The following ATP11B variants were observed in gnomAD, a reference collection of about 807,000 sequenced individuals.
The protein encoded by ATP11B is phospholipid-transporting ATPase IF.
A neutral mutation model predicts 157.8 loss-of-function variants in ATP11B; 81 were observed. That is an observed-to-expected ratio of 0.51 (90% CI 0.43 to 0.62). The LOEUF is 0.62. Ranked by LOEUF, ATP11B falls within the 20% of genes least tolerant of loss-of-function variation. The probability of loss-of-function intolerance (pLI) is 0.00; values close to 1 mark genes in which losing one functional copy is unlikely to be tolerated. For synonymous variants in ATP11B, 451 were observed against 469.4 expected, an observed-to-expected ratio of 0.96 and a Z score of 0.51; for missense variants, 1,165 against 1,402.2, an observed-to-expected ratio of 0.83 and a Z score of 2.70.
chr3:182,844,469 A>G, intron 8 of ATP11B: 1 of 692,208 alleles, frequency 1.4e-6, no homozygotes, highest in Non-Finnish European at 1.8e-6. Context: ...TTTCCATAGA[A>G]GATTCTTATT....
intron 10 of ATP11B, among the ~76,000 whole-genome samples, chr3:182,856,716 AC>A (rs1720434993): frequency 1.3e-5 from 2 of 152,220 alleles, no homozygotes; most frequent in Non-Finnish European, 2.9e-5. Context: ...ATTTACTGTC[AC>A]AGCAGAATAT....
chr3:182,903,496 C>T (rs1724115314), intron 28 of ATP11B, among the ~76,000 whole-genome samples: 1 of 152,126 alleles, frequency 6.6e-6, no homozygotes, highest in Admixed American at 6.5e-5. Flanking sequence ...TCTATGAGTT[C>T]ATAATATTGA....
intron 20 of ATP11B, among the ~76,000 whole-genome samples, chr3:182,880,649 A>T (rs1722358337): frequency 6.6e-6 from 1 of 152,162 alleles, no homozygotes; most frequent in African/African-American, 2.4e-5. Flanking sequence ...CTTGTTTCTC[A>T]TCATAAAATC....
At chr3:182,814,870 A>G (rs748498555) in intron 1 of ATP11B, among the ~76,000 whole-genome samples, 5 of 152,186 alleles carry the variant, frequency 3.3e-5, no homozygotes, top group Admixed American at 2.6e-4. Flanking sequence ...AATTCAGTGT[A>G]ATGAAATCTA....
intron 29 of ATP11B, chr3:182,914,525 A>G (rs1467033785): frequency 2.0e-6 from 2 of 985,282 alleles, no homozygotes; most frequent in Non-Finnish European, 2.4e-6. Context: ...TATGTCTGTA[A>G]TGAAGTTTTG....
chr3:182,905,600 CTTTAT>C lies in ATP11B; in HGVS notation c.3318+6832_3318+6836del, dbSNP rs371367550. Among the ~76,000 whole-genome samples the C allele has an allele frequency of 2.7e-3, 411 of 152,294 alleles. 5 individuals carry two copies. Among genetic ancestry groups the C allele is most frequent in the African/African-American group, 9.5e-3 (395 of 41,570 alleles). ...AGCTTCGTGCACTGAAAAATCATGG[CTTTAT>C]TTTGTGTGCTTGTGTTCCCCTTAAG... On this transcript the variant is annotated intron_variant, in intron 28 of 29. Coordinates refer to ENST00000323116, the MANE Select transcript of ATP11B (RefSeq NM_014616.3).
intron 10 of ATP11B, among the ~76,000 whole-genome samples, chr3:182,850,472 CA>C (rs1292969057): frequency 1.3e-5 from 2 of 150,714 alleles, no homozygotes; most frequent in Non-Finnish European, 3.0e-5. Context: ...GACTCCATCT[CA>C]AAAAACAAAA....
chr3:182,887,745 C>A lies in ATP11B; in HGVS notation c.2843+32C>A, dbSNP rs370110863. ...ATTTTCTGGTATTAAATGGCCTTAT[C>A]AGTTTTTTTAAGTAAAAAATAAGCA... On this transcript the variant is annotated intron_variant, in intron 24 of 29. Coordinates refer to ENST00000323116, the MANE Select transcript of ATP11B (RefSeq NM_014616.3). The A allele has an allele frequency of 9.9e-5, 157 of 1,586,014 alleles. No individual in the cohort carries two copies. In the African/African-American group the frequency reaches 2.1e-3, roughly 21 times the overall value.
intron 1 of ATP11B, among the ~76,000 whole-genome samples, chr3:182,817,163 T>C (rs1035900726): frequency 2.0e-5 from 3 of 152,184 alleles, no homozygotes; most frequent in Non-Finnish European, 4.4e-5. Context: ...TATGGAAAAG[T>C]TTGTCATCAT....
At chr3:182,897,993 G>A (rs1483533972) in intron 27 of ATP11B, among the ~76,000 whole-genome samples, 3 of 151,894 alleles carry the variant, frequency 2.0e-5, no homozygotes, top group Non-Finnish European at 2.9e-5. Flanking sequence ...TGCCTGCTAT[G>A]TCTTTGATCC....
intron 11 of ATP11B, among the ~76,000 whole-genome samples, chr3:182,858,910 G>T (rs533123036): frequency 6.6e-6 from 1 of 152,088 alleles, no homozygotes; most frequent in African/African-American, 2.4e-5. Context: ...TGAAAGTAAC[G>T]AATTAAGTTA....
At chr3:182,884,430 G>A (rs1389782345) in intron 21 of ATP11B, among the ~76,000 whole-genome samples, 3 of 152,054 alleles carry the variant, frequency 2.0e-5, no homozygotes, top group African/African-American at 7.2e-5. Flanking sequence ...TCAGAAGTCT[G>A]TTACCCAGTA....
At chr3:182,882,655 CTT>C (rs1276147419) in intron 21 of ATP11B, among the ~76,000 whole-genome samples, 3 of 151,968 alleles carry the variant, frequency 2.0e-5, no homozygotes, top group Non-Finnish European at 4.4e-5. Context: ...ATGGAAGAAT[CTT>C]TTGAGGACAA....
intron 29 of ATP11B, chr3:182,915,002 GA>G: frequency 3.0e-6 from 3 of 985,352 alleles, no homozygotes; most frequent in Non-Finnish European, 3.6e-6. Flanking sequence ...CCAGGGCTTG[GA>G]AAAGGTTGGA....
intron 28 of ATP11B, among the ~76,000 whole-genome samples, chr3:182,906,777 TAA>T (rs111914016): frequency 3.4e-4 from 46 of 133,688 alleles, no homozygotes; most frequent in African/African-American, 8.7e-4. Flanking sequence ...GTATCTGTTT[TAA>T]AAAAAAAAAA....
rs184893414 is a variant in ATP11B, at chr3:182,796,876, A to G, written c.27+3090A>G. ...TTAGAAAATGAGTAATTACACAAAAACAGTATTACTAGGATAACTGTTTCT... is the reference window on the plus strand; with the variant it reads ...TTAGAAAATGAGTAATTACACAAAAGCAGTATTACTAGGATAACTGTTTCT... On this transcript the variant is annotated intron_variant, in intron 1 of 29. Coordinates refer to ENST00000323116, the MANE Select transcript of ATP11B (RefSeq NM_014616.3). Among the ~76,000 whole-genome samples, 564 of 152,374 alleles carry G rather than the reference A, an allele frequency of 3.7e-3. 4 individuals carry two copies. Among genetic ancestry groups the G allele is most frequent in the South Asian group, 0.011 (55 of 4,830 alleles).
intron 29 of ATP11B, chr3:182,916,117 C>G: frequency 1.0e-6 from 1 of 985,304 alleles, no homozygotes; most frequent in South Asian, 4.7e-5. Flanking sequence ...GCCATAGATG[C>G]ATCAATATTG....
chr3:182,914,630 A>G (rs1042259606), intron 29 of ATP11B: 4 of 985,414 alleles, frequency 4.1e-6, no homozygotes, highest in Non-Finnish European at 4.8e-6. Context: ...TATGGAGTAA[A>G]AGAATCTTAG....
In ATP11B at chr3:182,861,616, T is replaced by C. The variant is rs570356847; in HGVS notation, c.1200+2257T>C. Among the ~76,000 whole-genome samples, 6 of 152,292 alleles carry C rather than the reference T, an allele frequency of 3.9e-5. No individual in the cohort carries two copies. The South Asian group carries it at 1.2e-3, about 32-fold the overall frequency. On this transcript the variant is annotated intron_variant, in intron 12 of 29. Transcript: ENST00000323116. ...ACTCATAACACATGGTGAACTGAGATAGCTAGTAACTGAGTTTTGGGCAAA... is the reference window on the plus strand; with the variant it reads ...ACTCATAACACATGGTGAACTGAGACAGCTAGTAACTGAGTTTTGGGCAAA...
Sources: gnomAD v4.1 joint callset for allele counts (sites outside exome capture counted in the v4.1 genomes callset) on GRCh38, gnomAD v4.1.1 for gene constraint, MANE v1.5 for transcripts, NCBI Gene and HGNC (gene_info 2026-07-23, HGNC 2026-07-21) for gene names.